CSGALNACT1: variants seen among roughly 807,000 people sequenced by gnomAD.
CSGALNACT1 encodes beta4GalNAcT-1.
Under a neutral mutation model 51.0 loss-of-function variants are expected in CSGALNACT1, and 52 were observed. The ratio of observed to expected loss-of-function variants is 1.02; its 90% CI spans 0.82 to 1.29. The LOEUF is 1.29. Among genes scored for constraint, CSGALNACT1 ranks in the 50% most tolerant of loss-of-function variants. The probability of loss-of-function intolerance (pLI) is 0.00; values close to 1 mark genes in which losing one functional copy is unlikely to be tolerated. For synonymous variants in CSGALNACT1, 341 were observed against 254.4 expected, an observed-to-expected ratio of 1.34 and a Z score of -3.24; for missense variants, 935 against 679.2, an observed-to-expected ratio of 1.38 and a Z score of -4.19.
intron 6 of CSGALNACT1, among the ~76,000 whole-genome samples, chr8:19,422,386 A>T (rs1196798457): frequency 6.6e-6 from 1 of 152,050 alleles, no homozygotes; most frequent in Non-Finnish European, 1.5e-5. Flanking sequence ...ATAGAGACAG[A>T]GTCTCACTTT....
rs551296521 is a variant in CSGALNACT1, at chr8:19,628,276, A to T, written c.-543-26411T>A. ...TCAGGAAACTTGTAATCATGGCGCA[A>T]GGCCAAGGAGAAGTAAGGTACATCT... On this transcript the variant is annotated intron_variant, in intron 1 of 9. Transcript: ENST00000332246. Among the ~76,000 whole-genome samples the T allele has an allele frequency of 4.6e-5, 7 of 152,304 alleles. No homozygotes were observed. The South Asian group carries it at 1.4e-3, about 32-fold the overall frequency.
intron 3 of CSGALNACT1, among the ~76,000 whole-genome samples, chr8:19,558,133 A>T (rs1009973710): frequency 1.3e-5 from 2 of 152,170 alleles, no homozygotes; most frequent in African/African-American, 4.8e-5. Flanking sequence ...GAATCAGCTG[A>T]TCACCACCAC....
At chr8:19,687,533 A>G (rs1037787103), upstream of CSGALNACT1, among the ~76,000 whole-genome samples, 2 of 152,252 alleles carry the variant, frequency 1.3e-5, no homozygotes, top group Non-Finnish European at 2.9e-5. Flanking sequence ...CATAGAAGTT[A>G]ATTAGCACAA....
chr8:19,455,873 A>T (rs539343423), intron 5 of CSGALNACT1, among the ~76,000 whole-genome samples: 4 of 152,254 alleles, frequency 2.6e-5, no homozygotes, highest in Admixed American at 6.5e-5. Context: ...TCATCTTCTG[A>T]TCCCCTGCAC....
intron 1 of CSGALNACT1, among the ~76,000 whole-genome samples, chr8:19,655,303 C>CCA (rs2058162534): frequency 6.6e-6 from 1 of 152,064 alleles, no homozygotes; most frequent in Admixed American, 6.6e-5. Flanking sequence ...AGGCTCTTAC[C>CCA]CACTCTGACA....
chr8:19,518,601 T>TC, intron 3 of CSGALNACT1, among the ~76,000 whole-genome samples: 1 of 152,218 alleles, frequency 6.6e-6, no homozygotes, highest in Non-Finnish European at 1.5e-5. Context: ...GCTCTGAGAC[T>TC]CCTTTCTCTG....
chr8:19,532,243 T>C (rs2082915814), intron 3 of CSGALNACT1, among the ~76,000 whole-genome samples: 3 of 152,068 alleles, frequency 2.0e-5, no homozygotes, highest in Admixed American at 2.0e-4. Context: ...ATTTTGATCC[T>C]GGAAGCCCAG....
chr8:19,684,431 A>T (rs2060853267), upstream of CSGALNACT1, among the ~76,000 whole-genome samples: 1 of 152,200 alleles, frequency 6.6e-6, no homozygotes, highest in South Asian at 2.1e-4. Context: ...TAAACATAAG[A>T]TTATGAGAAT....
chr8:19,694,827 C>A (rs2061504957), intron 1 of CSGALNACT1, among the ~76,000 whole-genome samples: 1 of 152,198 alleles, frequency 6.6e-6, no homozygotes, highest in Non-Finnish European at 1.5e-5. Context: ...GAAACAGGTC[C>A]AATACTGCAG....
At chr8:19,633,863 G>T (rs1378712389) in intron 1 of CSGALNACT1, among the ~76,000 whole-genome samples, 1 of 152,150 alleles carries the variant, frequency 6.6e-6, no homozygotes, top group Admixed American at 6.5e-5. Context: ...CTGGTGGCAT[G>T]CCAAACTGGT....
At chr8:19,701,485 C>T (rs1408248280) in intron 1 of CSGALNACT1, among the ~76,000 whole-genome samples, 2 of 152,074 alleles carry the variant, frequency 1.3e-5, no homozygotes, top group Non-Finnish European at 2.9e-5. Context: ...CAAAGCAGTG[C>T]CAGCAACTGT....
intron 1 of CSGALNACT1, among the ~76,000 whole-genome samples, chr8:19,736,698 G>GA (rs994682841): frequency 6.6e-6 from 1 of 151,932 alleles, no homozygotes; most frequent in Non-Finnish European, 1.5e-5. Context: ...AAATAGAGCT[G>GA]AAAAAATTAC....
At chr8:19,738,729 A>G (rs1028339716) in intron 1 of CSGALNACT1, among the ~76,000 whole-genome samples, 3 of 152,266 alleles carry the variant, frequency 2.0e-5, no homozygotes, top group Admixed American at 2.0e-4. Flanking sequence ...CTGGCCAAGC[A>G]TCACTAAAAG....
At chr8:19,652,103 A>G (rs913940513) in intron 1 of CSGALNACT1, among the ~76,000 whole-genome samples, 1 of 151,778 alleles carries the variant, frequency 6.6e-6, no homozygotes, top group Admixed American at 6.6e-5. Context: ...CTAATTTTAA[A>G]TATTTATTTT....
intron 2 of CSGALNACT1, among the ~76,000 whole-genome samples, chr8:19,599,472 A>AAAATAAAGAAAAAG (rs1554751247): frequency 8.8e-6 from 1 of 113,736 alleles, no homozygotes; most frequent in African/African-American, 3.6e-5. Context: ...GAAAGAAAGA[A>AAAATAAAGAAAAAG]AAAGAAAGAA....
At chr8:19,688,646 AG>A (rs2061115853) in intron 1 of CSGALNACT1, 2 of 152,332 alleles carry the variant, frequency 1.3e-5, no homozygotes, top group African/African-American at 2.4e-5. Context: ...TTTTAAAAAA[AG>A]AAAAAGCTGA....
At chr8:19,483,343 A>G (rs994036437) in intron 4 of CSGALNACT1, among the ~76,000 whole-genome samples, 11 of 152,260 alleles carry the variant, frequency 7.2e-5, no homozygotes, top group African/African-American at 2.2e-4. Flanking sequence ...AAAGCACTTC[A>G]TTATGTCTGG....
At chr8:19,626,189 A>G (rs2054430786) in intron 1 of CSGALNACT1, among the ~76,000 whole-genome samples, 1 of 152,236 alleles carries the variant, frequency 6.6e-6, no homozygotes. Context: ...AACTATAGTA[A>G]TCAACACAGC....
At chr8:19,606,952 G>C (rs906987580), upstream of CSGALNACT1, among the ~76,000 whole-genome samples, 1 of 152,058 alleles carries the variant, frequency 6.6e-6, no homozygotes, top group Non-Finnish European at 1.5e-5. Context: ...TCAGGAGATC[G>C]AGATCATCCT....
Sources: gnomAD v4.1 joint callset for allele counts (sites outside exome capture counted in the v4.1 genomes callset) on GRCh38, gnomAD v4.1.1 for gene constraint, MANE v1.5 for transcripts, NCBI Gene and HGNC (gene_info 2026-07-23, HGNC 2026-07-21) for gene names.